Variants in TPR observed in about 807,000 individuals in gnomAD.
The protein encoded by TPR is nucleoprotein TPR.
In TPR, 51 loss-of-function variants were observed where a neutral mutation model predicts 316.1. The ratio of observed to expected loss-of-function variants is 0.16; its 90% confidence interval spans 0.13 to 0.20. The LOEUF is 0.20. TPR is among the 10% of genes least tolerant of loss of function. The pLI is 1.00. For missense variants in TPR, 2,272 were observed against 2,754.8 expected (o/e 0.82, Z 3.92); for synonymous variants, 981 against 914.7 (o/e 1.07, Z -1.31).
Position 186,339,788 on chromosome 1 carries a change from T to A in TPR, c.4021-16A>T. The A allele has an allele frequency of 6.4e-7, 1 of 1,551,752 alleles. No homozygotes were observed. The highest frequency in any genetic ancestry group is 8.7e-7 in the Non-Finnish European group (1 of 1,154,858). ...TTACTAGATGCTAGAATAACAAAAA[T>A]GCATACTTGATTTTTTTAGGTTTTA... On this transcript the variant is annotated splice_polypyrimidine_tract_variant and intron_variant, in intron 29 of 50. Transcript: ENST00000367478.
At chr1:186,327,281 TAATATATA>T (rs1658021253) in intron 40 of TPR, among the ~76,000 whole-genome samples, 171 bp downstream of exon 40, 1 of 4,476 alleles carries the variant, frequency 2.2e-4, no homozygotes, top group Non-Finnish European at 3.3e-4. Flanking sequence ...TATTTATATA[TAATATATA>T]TAAATATATA....
chr1:186,357,716 T>A (rs549875813), intron 13 of TPR, 93 bp from the exon 14 acceptor site: 1 of 1,088,666 alleles, frequency 9.2e-7, no homozygotes, highest in Non-Finnish European at 1.3e-6. Flanking sequence ...ACATTACTTA[T>A]AAAACCTTCA....
At chr1:186,362,094 T>C (rs961164067) in intron 7 of TPR, among the ~76,000 whole-genome samples, 194 bp downstream of exon 7, 1 of 152,018 alleles carries the variant, frequency 6.6e-6, no homozygotes, top group African/African-American at 2.4e-5. Flanking sequence ...ACTCATTTTT[T>C]AGATAGTATT....
chr1:186,372,536 T>C (rs541544816), intron 2 of TPR, among the ~76,000 whole-genome samples: 18 of 151,880 alleles, frequency 1.2e-4, no homozygotes, highest in Admixed American at 3.3e-4. Context: ...AGTGAGACTC[T>C]GTCTCCAAAA....
At position 186,312,185 on chromosome 1, in the gene TPR, T is replaced by C. The variant is rs1402588176; in HGVS notation, c.*1786A>G. On this transcript the variant is annotated 3_prime_UTR_variant, in exon 51 of 51. Transcript: ENST00000367478. Reference sequence around the variant, plus strand: ...TCTAATACATAACAGGTGGCAGCATTCAGCAGTATATTTATAAACAGGAAC... The same window carrying C: ...TCTAATACATAACAGGTGGCAGCATCCAGCAGTATATTTATAAACAGGAAC... 3 of 1,613,728 alleles carry C rather than the reference T, an allele frequency of 1.9e-6. No homozygotes were observed. The highest frequency in any genetic ancestry group is 2.5e-6 in the Non-Finnish European group (3 of 1,179,778).
chr1:186,327,426 T>C (rs1156402011), intron 40 of TPR, 34 bp downstream of exon 40: 1 of 1,599,662 alleles, frequency 6.3e-7, no homozygotes, highest in African/African-American at 1.4e-5. Context: ...ATCCAATAGT[T>C]TAAAAACACT....
chr1:186,318,995 T>C (rs1201539064), intron 46 of TPR, among the ~76,000 whole-genome samples, 167 bp from the exon 47 acceptor site: 1 of 152,220 alleles, frequency 6.6e-6, no homozygotes, highest in Non-Finnish European at 1.5e-5. Flanking sequence ...CTTTTATTTT[T>C]TATTTTATTT....
intron 4 of TPR, among the ~76,000 whole-genome samples, chr1:186,367,060 CTTTTTTTTTT>C (rs71104854): frequency 1.1e-5 from 1 of 89,568 alleles, no homozygotes; most frequent in Non-Finnish European, 2.2e-5. Context: ...CCCAAAACAC[CTTTTTTTTTT>C]TTTTTTTTTT....
rs749487742 is a variant in TPR, at chr1:186,353,786, T to A, written c.2236A>T (p.Asn746Tyr). The A allele has an allele frequency of 6.2e-7, 1 of 1,614,166 alleles. No individual in the cohort carries two copies. Among genetic ancestry groups the A allele is most frequent in the South Asian group, 1.1e-5 (1 of 91,080 alleles). ...RREITSLHER[N>Y]QKLTATTQKQ... is the part of the protein sequence containing the mutation. ...TGAGTTGTGGCAGTGAGTTTCTGAT[T>A]TCTCTCATGAAGTGATGTTATTTCT... Residue 746 changes from asparagine to tyrosine, a missense_variant, in exon 18 of 51, where the codon AAT becomes TAT. Physicochemically the swap from Asn to Tyr is moderately radical, Grantham distance 143. This residue lies in a region of TPR where 757 missense variants were observed against 859.8 expected (regional missense o/e 0.88). Coordinates refer to ENST00000367478, the MANE Select transcript of TPR (RefSeq NM_003292.3).
chr1:186,323,659 T>C (rs1215740608), intron 43 of TPR, 27 bp downstream of exon 43: 4 of 1,418,970 alleles, frequency 2.8e-6, no homozygotes, highest in Non-Finnish European at 3.7e-6. Context: ...CAAGTTCATT[T>C]TTCATAATGA....
chr1:186,361,824 A>T lies in TPR; in HGVS notation c.835T>A (p.Leu279Ile). The T allele has an allele frequency of 6.2e-7, 1 of 1,613,150 alleles. No individual in the cohort carries two copies. The highest frequency in any genetic ancestry group is 8.5e-7 in the Non-Finnish European group (1 of 1,179,326). ...ASMEEKFHNELNAHIKLSNLY... is the reference protein window; with the variant it reads ...ASMEEKFHNEINAHIKLSNLY... ...TTAGAAAGTTTTATGTGGGCATTTAATTCATTGTGGAATTTCTCTTCCATA... is the reference window on the plus strand; with the variant it reads ...TTAGAAAGTTTTATGTGGGCATTTATTTCATTGTGGAATTTCTCTTCCATA... The change falls in exon 8 of 51, where the codon TTA (leucine) becomes ATA (isoleucine). Residue 279 changes from leucine to isoleucine, a missense_variant. This residue lies in a region of TPR where 549 missense variants were observed against 598.6 expected (regional missense o/e 0.92). Coordinates refer to ENST00000367478, the MANE Select transcript of TPR (RefSeq NM_003292.3).
intron 45 of TPR, 83 bp downstream of exon 45, chr1:186,322,235 G>C: frequency 7.5e-7 from 1 of 1,341,640 alleles, no homozygotes; most frequent in Non-Finnish European, 1.0e-6. Flanking sequence ...CAAACAATGA[G>C]TTAACCAAAT....
rs189406984 is a variant in TPR, at chr1:186,338,310, T to C, written c.4152-67A>G. On this transcript the variant is annotated intron_variant, in intron 30 of 50. Transcript: ENST00000367478. ...ACATTTTTCAAAGTTTGAAGTCCAA[T>C]GTAACTTTATGTTATACTGCTTTAA... 40 of 1,281,990 alleles carry C rather than the reference T, an allele frequency of 3.1e-5. No individual in the cohort carries two copies. In the East Asian group the frequency reaches 8.7e-4, roughly 28 times the overall value. 79.4% of individuals were successfully genotyped at this position (1,281,990 alleles called of 1,614,324 possible). A position where few individuals can be genotyped will look rare whatever the true frequency, so the allele number is the denominator to read the frequency against.
chr1:186,338,257 A>C lies in TPR; in HGVS notation c.4152-14T>G. The stretch of plus-strand genomic sequence containing the variant: ...GATGCATTTGATCTTTAAAAAATGG[A>C]GGAAAGAAGAAAGATTAAATATATG... On this transcript the variant is annotated splice_polypyrimidine_tract_variant and intron_variant, in intron 30 of 50. Transcript: ENST00000367478. 6.3e-7 allele frequency: 1 copy of C among 1,584,308 alleles called. No homozygotes were observed. The highest frequency in any genetic ancestry group is 8.6e-7 in the Non-Finnish European group (1 of 1,165,980).
At chr1:186,314,597 T>C in intron 50 of TPR, 32 bp downstream of exon 50, 1 of 1,529,848 alleles carries the variant, frequency 6.5e-7, no homozygotes, top group Non-Finnish European at 8.9e-7. Flanking sequence ...TTCCACATTC[T>C]ATCATGTAAT....
chr1:186,370,914 A>C, intron 3 of TPR, 56 bp downstream of exon 3: 1 of 1,434,964 alleles, frequency 7.0e-7, no homozygotes, highest in South Asian at 1.2e-5. Flanking sequence ...ATCAGAATAG[A>C]ATGTCCCTTC....
intron 10 of TPR, 77 bp from the exon 11 acceptor site, chr1:186,360,441 T>C (rs908450172): frequency 3.5e-6 from 5 of 1,423,214 alleles, no homozygotes. Context: ...TCAAGGTAAG[T>C]GACATGTACT....
chr1:186,362,911 G>C lies in TPR; in HGVS notation c.622C>G (p.Leu208Val), dbSNP rs1558034628. Reference protein sequence around the residue: ...NTELKTKTDELLALGREKGNE... With the variant: ...NTELKTKTDEVLALGREKGNE... ...CCTTTTTCTCTTCCAAGAGCCAGAA[G>C]TTCATCAGTTTTGGTTTTCAACTCT... Residue 208 changes from leucine to valine, a missense_variant, in exon 6 of 51, where the codon CTT (leucine) becomes GTT (valine). Coordinates refer to ENST00000367478, the MANE Select transcript of TPR (RefSeq NM_003292.3). 1 of 1,611,250 alleles carries C rather than the reference G, an allele frequency of 6.2e-7. No homozygotes were observed. Among genetic ancestry groups the C allele is most frequent in the African/African-American group, 1.3e-5 (1 of 74,880 alleles).
At position 186,339,742 on chromosome 1, in the gene TPR, T is replaced by TATCTGG; in HGVS notation, c.4045_4050dup (p.Pro1349_Asp1350dup). ...GAAAGGAGCTTCCGATATTCTTCTG[T>TATCTGG]ATCTGGATCTTTCTGTTGACTTACT... On this transcript the variant is annotated inframe_insertion, in exon 30 of 51. Transcript: ENST00000367478. The TATCTGG allele has an allele frequency of 2.5e-6, 4 of 1,604,202 alleles. No individual in the cohort carries two copies. The highest frequency in any genetic ancestry group is 3.4e-6 in the Non-Finnish European group (4 of 1,175,766).
Sources: gnomAD v4.1 joint callset for allele counts (sites outside exome capture counted in the v4.1 genomes callset) on GRCh38, gnomAD v4.1.1 for gene constraint, gnomAD v4.1.1 regional missense constraint, MANE v1.5 for transcripts, NCBI Gene and HGNC (gene_info 2026-07-23, HGNC 2026-07-21) for gene names.